FAR1: variants seen among roughly 807,000 people sequenced by gnomAD.
The protein encoded by FAR1 is male sterility domain-containing protein 2.
Under a neutral mutation model 61.1 loss-of-function variants are expected in FAR1, and 22 were observed. The observed-to-expected ratio is 0.36, with a 90% CI of 0.26 to 0.51. The LOEUF (loss-of-function observed/expected upper bound fraction) is 0.51. FAR1 is among the 20% of genes least tolerant of loss of function. FAR1 has a pLI of 0.95. For synonymous variants in FAR1, 206 were observed against 209.7 expected (o/e 0.98, Z 0.15); for missense variants, 359 against 626.9 (o/e 0.57, Z 4.56).
At chr11:13,685,949 G>A (rs1171631045) in intron 1 of FAR1, among the ~76,000 whole-genome samples, 1 of 152,142 alleles carries the variant, frequency 6.6e-6, no homozygotes, top group Admixed American at 6.5e-5. Flanking sequence ...AACTGGGTAG[G>A]ACCTTTCAGA....
At chr11:13,688,242 GT>G (rs948590623) in intron 1 of FAR1, among the ~76,000 whole-genome samples, 37 of 111,774 alleles carry the variant, frequency 3.3e-4, no homozygotes, top group Admixed American at 6.8e-4. Flanking sequence ...TGTGGGAATT[GT>G]TTTTTTTTCC....
intron 9 of FAR1, among the ~76,000 whole-genome samples, chr11:13,715,469 G>A (rs529410934): frequency 3.9e-5 from 6 of 152,140 alleles, no homozygotes; most frequent in South Asian, 2.1e-4. Context: ...GGGATTAAGG[G>A]CAAAAGTTTT....
chr11:13,708,068 T>G lies in FAR1; in HGVS notation c.534T>G (p.Ile178Met). The change falls in exon 4 of 12, where the codon ATT (isoleucine) becomes ATG (methionine). Residue 178 changes from isoleucine (I) to methionine (M), a missense_variant. By Grantham distance (10) the Ile-to-Met change is conservative. This residue lies in a region of FAR1 where 344 missense variants were observed against 570.3 expected (regional missense o/e 0.60). Transcript: ENST00000354817. ...CACCTGTGGATCCCAAGAAGCTGATTGATTCTTTAGAGTATGTTTGTTTGA... is the reference window on the plus strand; with the variant it reads ...CACCTGTGGATCCCAAGAAGCTGATGGATTCTTTAGAGTATGTTTGTTTGA... ...YPPPVDPKKL[I>M]DSLEWMDDGL... 1 of 1,587,588 alleles carries G rather than the reference T, an allele frequency of 6.3e-7. No individual in the cohort carries two copies. Among genetic ancestry groups the G allele is most frequent in the South Asian group, 1.2e-5 (1 of 85,982 alleles).
intron 10 of FAR1, among the ~76,000 whole-genome samples, chr11:13,726,181 C>T (rs1848665230): frequency 6.6e-6 from 1 of 151,672 alleles, no homozygotes; most frequent in African/African-American, 2.4e-5. Flanking sequence ...TGTTTTAATT[C>T]TATATATATA....
intron 10 of FAR1, among the ~76,000 whole-genome samples, chr11:13,722,131 G>T (rs1591272096): frequency 6.6e-6 from 1 of 152,098 alleles, no homozygotes; most frequent in African/African-American, 2.4e-5. Context: ...GTTTCAGAGA[G>T]AATTTTATCT....
rs1483514312 is a variant in FAR1 at position 13,714,643 on chromosome 11, TATG to T, written c.1093_1095del (p.Asp365del). 1 of 1,613,132 alleles carries T rather than the reference TATG, an allele frequency of 6.2e-7. No individual in the cohort carries two copies. The highest frequency in any genetic ancestry group is 1.7e-5 in the Admixed American group (1 of 59,828). ...AAGCCATAAGGCCCCAGCATTCCTG[TATG>T]ATATCTACCTCAGGATGACTGGAAG... On this transcript the variant is annotated inframe_deletion, in exon 9 of 12. Transcript: ENST00000354817.
chr11:13,683,598 C>G (rs1157261959), intron 1 of FAR1, among the ~76,000 whole-genome samples: 1 of 151,936 alleles, frequency 6.6e-6, no homozygotes, highest in African/African-American at 2.4e-5. Flanking sequence ...CCAGGCTGGT[C>G]TCGAACTCCT....
At chr11:13,684,110 T>C (rs1376353686) in intron 1 of FAR1, among the ~76,000 whole-genome samples, 1 of 152,188 alleles carries the variant, frequency 6.6e-6, no homozygotes. Flanking sequence ...TAGAAGAAGG[T>C]ACATCCATTT....
chr11:13,681,731 G>A (rs1848129263), intron 1 of FAR1, among the ~76,000 whole-genome samples: 4 of 152,174 alleles, frequency 2.6e-5, no homozygotes, highest in Admixed American at 1.3e-4. Flanking sequence ...TTGCTTAGCT[G>A]AGCCCTTTAC....
rs776871908 is a variant in FAR1, at chr11:13,694,947, G to A, written c.182G>A (p.Ser61Asn). 5 of 1,610,018 alleles carry A rather than the reference G, an allele frequency of 3.1e-6. No homozygotes were observed. The South Asian group carries it at 3.3e-5, about 11-fold the overall frequency. ...TPQERVEEVL[S>N]GKLFDRLRDE... is the part of the protein sequence containing the mutation. Reference sequence around the variant, plus strand: ...CAAGAGCGAGTGGAAGAAGTCCTTAGTGGCAAGGTAAGTATGGAAAATGAG... The same window carrying A: ...CAAGAGCGAGTGGAAGAAGTCCTTAATGGCAAGGTAAGTATGGAAAATGAG... Residue 61 changes from serine (S) to asparagine (N), a missense_variant, in exon 2 of 12, where the codon AGT becomes AAT. By Grantham distance (46) the Ser-to-Asn change is conservative (BLOSUM62 1). Transcript: ENST00000354817.
chr11:13,717,687 A>G (rs1848570429), intron 9 of FAR1, among the ~76,000 whole-genome samples: 1 of 152,160 alleles, frequency 6.6e-6, no homozygotes, highest in Non-Finnish European at 1.5e-5. Flanking sequence ...CATATAGTAA[A>G]TATTTTAGGT....
At chr11:13,692,029 G>C (rs113319334) in intron 1 of FAR1, among the ~76,000 whole-genome samples, 1 of 152,012 alleles carries the variant, frequency 6.6e-6, no homozygotes, top group African/African-American at 2.4e-5. Context: ...TTAGCTGGGC[G>C]TGGTGGCGGG....
intron 3 of FAR1, among the ~76,000 whole-genome samples, chr11:13,705,521 C>G (rs989243297): frequency 6.6e-6 from 1 of 152,168 alleles, no homozygotes; most frequent in Non-Finnish European, 1.5e-5. Context: ...CCTTTGTGTA[C>G]TTTTCCCAAA....
At chr11:13,674,362 G>A (rs116982856) in intron 1 of FAR1, among the ~76,000 whole-genome samples, 9 of 151,640 alleles carry the variant, frequency 5.9e-5, no homozygotes, top group Admixed American at 2.0e-4. Flanking sequence ...TGAATCAGCA[G>A]ATCTGAGCTT....
At chr11:13,700,213 GTT>G (rs1396496771) in intron 2 of FAR1, 102 bp from the exon 3 acceptor site, 1 of 830,632 alleles carries the variant, frequency 1.2e-6, no homozygotes, top group Non-Finnish European at 1.9e-6. Flanking sequence ...TATAGTTTAA[GTT>G]TCTAAAAAAA....
chr11:13,672,735 G>T lies in FAR1; in HGVS notation c.-8+3929G>T, dbSNP rs186039711. 1.1e-4 allele frequency among the ~76,000 whole-genome samples: 16 copies of T among 152,082 alleles called. No homozygotes were observed. In the East Asian group the frequency reaches 1.3e-3, roughly 13 times the overall value. ...TGTGTTCCTATCTTGGAAATGACTG[G>T]ATTGTCACTGATGGAAACTGAAACT... On this transcript the variant is annotated intron_variant, in intron 1 of 11. Coordinates refer to ENST00000354817, the MANE Select transcript of FAR1 (RefSeq NM_032228.6).
intron 1 of FAR1, among the ~76,000 whole-genome samples, chr11:13,676,638 A>G (rs1195880788): frequency 6.6e-6 from 1 of 152,182 alleles, no homozygotes; most frequent in African/African-American, 2.4e-5. Flanking sequence ...GGTGGTTTTA[A>G]AAACTTGTGG....
At chr11:13,728,429 T>C (rs769275101) in intron 11 of FAR1, among the ~76,000 whole-genome samples, 183 bp from the exon 12 acceptor site, 5 of 152,030 alleles carry the variant, frequency 3.3e-5, no homozygotes, top group Non-Finnish European at 4.4e-5. Flanking sequence ...TTAGATTAGA[T>C]GGGAAGCTCT....
chr11:13,713,084 A>C (rs1848517386), intron 8 of FAR1, 51 bp downstream of exon 8: 1 of 1,503,634 alleles, frequency 6.7e-7, no homozygotes, highest in Admixed American at 1.7e-5. Flanking sequence ...TAAAGAACCA[A>C]GTTCCCTGAA....
Sources: gnomAD v4.1 joint callset for allele counts (sites outside exome capture counted in the v4.1 genomes callset) on GRCh38, gnomAD v4.1.1 for gene constraint, gnomAD v4.1.1 regional missense constraint, MANE v1.5 for transcripts, NCBI Gene and HGNC (gene_info 2026-07-23, HGNC 2026-07-21) for gene names.